The following HTR2C variants were observed in gnomAD, a reference collection of about 807,000 sequenced individuals.
HTR2C encodes 5-hydroxytryptamine (serotonin) receptor 2C, G protein-coupled.
A neutral mutation model predicts 21.0 loss-of-function variants in HTR2C; 5 were observed. The ratio of observed to expected loss-of-function variants is 0.24; its 90% CI spans 0.12 to 0.50. The LOEUF is 0.50. HTR2C is among the 20% of genes least tolerant of loss of function. The pLI is 0.98. For synonymous variants in HTR2C, 150 were observed against 145.3 expected (o/e 1.03, Z -0.23); for missense variants, 271 against 371.2 (o/e 0.73, Z 2.22).
chrX:114,632,201 A>G (rs1309628318), intron 2 of HTR2C, among the ~76,000 whole-genome samples: 23 of 112,103 alleles, frequency 2.1e-4, no homozygotes, highest in African/African-American at 6.2e-4. Flanking sequence ...AAATTTAGAA[A>G]AGATTAGTTT....
At chrX:114,827,161 C>A (rs2070685639) in intron 4 of HTR2C, among the ~76,000 whole-genome samples, 1 of 110,918 alleles carries the variant, frequency 9.0e-6, no homozygotes, top group African/African-American at 3.3e-5. Context: ...GTTCAGCATC[C>A]CTAATCCAAA....
intron 5 of HTR2C, among the ~76,000 whole-genome samples, chrX:114,857,937 G>A (rs2147498540): frequency 9.0e-6 from 1 of 111,101 alleles, no homozygotes; most frequent in African/African-American, 3.3e-5. Flanking sequence ...ATATCCAGTT[G>A]ACTCAGCATC....
At chrX:114,675,327 A>T (rs1322723445) in intron 2 of HTR2C, among the ~76,000 whole-genome samples, 1 of 112,023 alleles carries the variant, frequency 8.9e-6, no homozygotes, top group Non-Finnish European at 1.9e-5. Flanking sequence ...TGGCAAAAAG[A>T]GATTTGATTA....
chrX:114,727,289 C>T (rs1488972531), intron 3 of HTR2C, among the ~76,000 whole-genome samples: 1 of 111,784 alleles, frequency 8.9e-6, no homozygotes, highest in Non-Finnish European at 1.9e-5. Context: ...AAATTTCTGT[C>T]CTTTTCCTTC....
intron 4 of HTR2C, among the ~76,000 whole-genome samples, chrX:114,807,678 CA>C (rs1282599399): frequency 5.1e-5 from 2 of 39,335 alleles, no homozygotes; most frequent in Admixed American, 5.0e-4. Context: ...TTTATTTATT[CA>C]TTTTTTTTTT....
chrX:114,611,166 C>G (rs1232162916), intron 1 of HTR2C, among the ~76,000 whole-genome samples: 1 of 111,716 alleles, frequency 9.0e-6, no homozygotes, highest in Non-Finnish European at 1.9e-5. Context: ...GGCATAATTA[C>G]AATCATAGCA....
chrX:114,587,533 T>G lies in HTR2C; in HGVS notation c.-147+2874T>G, dbSNP rs782191112. Among the ~76,000 whole-genome samples, 33 of 112,247 alleles carry G rather than the reference T, an allele frequency of 2.9e-4. 1 individual carries two copies. Among genetic ancestry groups the G allele is most frequent in the Non-Finnish European group, 3.8e-5 (2 of 53,201 alleles). ...ATATTATTGTGATATTTTATGTCAG[T>G]ATCATATATAACCCCACCTGATTGT... On this transcript the variant is annotated intron_variant, in intron 1 of 5. Coordinates refer to ENST00000276198, the MANE Select transcript of HTR2C (RefSeq NM_000868.4).
At chrX:114,724,605 T>C (rs1556421434) in intron 2 of HTR2C, among the ~76,000 whole-genome samples, 1 of 92,749 alleles carries the variant, frequency 1.1e-5, no homozygotes, top group Non-Finnish European at 2.2e-5. Flanking sequence ...AGTTTCTTCC[T>C]AGTCTTGATG....
intron 3 of HTR2C, 85 bp from the exon 4 acceptor site, chrX:114,731,209 A>AGAAGCAGT (rs1390341495): frequency 2.5e-5 from 14 of 562,414 alleles, no homozygotes; most frequent in Middle Eastern, 7.5e-4. Flanking sequence ...TGATCCATGA[A>AGAAGCAGT]GAAGCAGTTG....
intron 4 of HTR2C, among the ~76,000 whole-genome samples, chrX:114,777,780 A>T (rs1034951613): frequency 1.8e-5 from 2 of 110,950 alleles, no homozygotes; most frequent in Admixed American, 1.9e-4. Flanking sequence ...CTGGTGTCAA[A>T]CTCCTGACCT....
chrX:114,600,063 A>T (rs1928022253), intron 1 of HTR2C, among the ~76,000 whole-genome samples: 1 of 111,861 alleles, frequency 8.9e-6, no homozygotes, highest in Non-Finnish European at 1.9e-5. Flanking sequence ...ATCAACAAAT[A>T]TTGAGCCCTA....
intron 2 of HTR2C, among the ~76,000 whole-genome samples, chrX:114,665,041 C>G (rs1323644325): frequency 8.9e-6 from 1 of 111,970 alleles, no homozygotes; most frequent in African/African-American, 3.2e-5. Context: ...ATTCATGTAT[C>G]GCAAATAGAA....
intron 4 of HTR2C, among the ~76,000 whole-genome samples, chrX:114,831,621 G>A (rs1264872226): frequency 6.6e-5 from 7 of 105,544 alleles, no homozygotes; most frequent in Admixed American, 2.1e-4. Context: ...TGAGTAGGTT[G>A]CGAAAATTTT....
At chrX:114,815,843 CT>C (rs782355448) in intron 4 of HTR2C, among the ~76,000 whole-genome samples, 16 of 111,464 alleles carry the variant, frequency 1.4e-4, no homozygotes, top group Admixed American at 3.8e-4. Context: ...TGCCCCTCCT[CT>C]GTGATCAGTT....
intron 5 of HTR2C, among the ~76,000 whole-genome samples, chrX:114,850,835 GAC>G (rs2070911136): frequency 9.0e-6 from 1 of 110,837 alleles, no homozygotes; most frequent in Non-Finnish European, 1.9e-5. Context: ...AAAAAAATAA[GAC>G]AACTATATGT....
intron 2 of HTR2C, among the ~76,000 whole-genome samples, chrX:114,723,688 T>A (rs1269391690): frequency 1.4e-4 from 16 of 110,779 alleles, no homozygotes; most frequent in Middle Eastern, 4.6e-3. Flanking sequence ...CTGCTTTGAA[T>A]GCGTCCCAGA....
intron 4 of HTR2C, chrX:114,775,210 C>A (rs1473113779): frequency 1.9e-6 from 1 of 517,978 alleles, no homozygotes; most frequent in Non-Finnish European, 3.5e-6. Flanking sequence ...CTCAGCTTAC[C>A]GGACCATATG....
chrX:114,649,880 G>A (rs1480412595), intron 2 of HTR2C, among the ~76,000 whole-genome samples: 1 of 111,637 alleles, frequency 9.0e-6, no homozygotes, highest in Admixed American at 9.6e-5. Flanking sequence ...CTCCGAAAGT[G>A]CTGGAATTAC....
chrX:114,735,316 CAAATA>C (rs1339009130), intron 4 of HTR2C, among the ~76,000 whole-genome samples: 2 of 109,733 alleles, frequency 1.8e-5, no homozygotes, highest in Non-Finnish European at 1.9e-5. Flanking sequence ...GATTCCATCT[CAAATA>C]AAATAAAATA....
Sources: allele counts gnomAD v4.1 joint callset (sites outside exome capture counted in the v4.1 genomes callset), GRCh38; gene constraint gnomAD v4.1.1; transcripts MANE v1.5; gene names NCBI Gene and HGNC (gene_info 2026-07-23, HGNC 2026-07-21).